CSMD1: variants seen among roughly 807,000 people sequenced by gnomAD.
The protein encoded by CSMD1 is CUB and sushi domain-containing protein 1.
In CSMD1, 213 loss-of-function variants were observed where a neutral mutation model predicts 417.5. The observed-to-expected ratio is 0.51, with a 90% CI of 0.46 to 0.57. The LOEUF (loss-of-function observed/expected upper bound fraction) is 0.57. Among genes scored for constraint, CSMD1 ranks in the 20% least tolerant of loss-of-function variants. CSMD1 has a pLI of 0.00. For missense variants in CSMD1, 6,923 were observed against 4,529.7 expected (o/e 1.53, Z -15.17); for synonymous variants, 2,862 against 1,736.8 (o/e 1.65, Z -16.11).
At chr8:4,059,584 G>C (rs1343007614) in intron 3 of CSMD1, among the ~76,000 whole-genome samples, 4 of 151,818 alleles carry the variant, frequency 2.6e-5, no homozygotes, top group Non-Finnish European at 4.4e-5. Flanking sequence ...GAATCAAATA[G>C]ATGCAATAAA....
At chr8:4,970,072 A>C (rs902639006) in intron 1 of CSMD1, among the ~76,000 whole-genome samples, 1 of 152,186 alleles carries the variant, frequency 6.6e-6, no homozygotes, top group Non-Finnish European at 1.5e-5. Flanking sequence ...AAATGACAAA[A>C]GTATTCAGTT....
At chr8:2,955,530 C>A (rs990927239) in intron 64 of CSMD1, 59 bp downstream of exon 64, 4 of 1,552,798 alleles carry the variant, frequency 2.6e-6, no homozygotes, top group Non-Finnish European at 3.5e-6. Context: ...GCCTGATGGG[C>A]AGCTGATCCT....
chr8:3,287,410 A>G (rs1251760003), intron 25 of CSMD1, among the ~76,000 whole-genome samples: 6 of 152,180 alleles, frequency 3.9e-5, no homozygotes, highest in Middle Eastern at 3.4e-3. Flanking sequence ...CCATTTTCAC[A>G]ATATTGATTC....
At chr8:4,308,749 C>G (rs545124186) in intron 3 of CSMD1, among the ~76,000 whole-genome samples, 2 of 152,248 alleles carry the variant, frequency 1.3e-5, no homozygotes, top group Non-Finnish European at 2.9e-5. Context: ...GTAAGACTGG[C>G]TGTTTGAGCG....
At chr8:3,559,519 G>A (rs968329215) in intron 10 of CSMD1, among the ~76,000 whole-genome samples, 1 of 152,142 alleles carries the variant, frequency 6.6e-6, no homozygotes, top group African/African-American at 2.4e-5. Context: ...GGAGGAGAAG[G>A]AAGAGGAAAA....
chr8:3,491,918 CA>C (rs1239607205), intron 11 of CSMD1, among the ~76,000 whole-genome samples: 1 of 152,172 alleles, frequency 6.6e-6, no homozygotes, highest in Non-Finnish European at 1.5e-5. Context: ...AAGGCGGGTC[CA>C]GGGGACCTGA....
At chr8:3,802,082 T>C (rs887749475) in intron 5 of CSMD1, among the ~76,000 whole-genome samples, 33 of 152,268 alleles carry the variant, frequency 2.2e-4, no homozygotes, top group Middle Eastern at 6.8e-3. Context: ...AACTTAAGGA[T>C]ATGTAAATTT....
In CSMD1 at chr8:3,204,947, G is replaced by A. The variant is rs117089257; in HGVS notation, c.4984+557C>T. ...GACCAGGGAAGGCCCTTCTGGAAAT[G>A]AAGTCATTTTGGAAAATTAGCTGGA... is the stretch of plus-strand genomic sequence containing the variant. On this transcript the variant is annotated intron_variant, in intron 31 of 69. Coordinates refer to ENST00000635120, the MANE Select transcript of CSMD1 (RefSeq NM_033225.6). Among the ~76,000 whole-genome samples the A allele has an allele frequency of 4.7e-3, 722 of 152,310 alleles. 17 individuals are homozygous for A. The highest frequency in any genetic ancestry group is 0.045 in the East Asian group (231 of 5,180).
chr8:3,982,852 C>T (rs1813989567), intron 5 of CSMD1, among the ~76,000 whole-genome samples: 1 of 152,172 alleles, frequency 6.6e-6, no homozygotes, highest in Admixed American at 6.5e-5. Context: ...CAGCTCTACG[C>T]ATACCAAGGA....
intron 49 of CSMD1, among the ~76,000 whole-genome samples, chr8:3,072,742 T>C (rs372731951): frequency 1.3e-5 from 2 of 152,172 alleles, no homozygotes; most frequent in East Asian, 3.9e-4. Context: ...AGTGAAGGCA[T>C]GAGGTTCTTC....
chr8:3,126,973 G>C (rs185039070), intron 41 of CSMD1, among the ~76,000 whole-genome samples: 1 of 152,156 alleles, frequency 6.6e-6, no homozygotes. Flanking sequence ...TCAGCTTTTG[G>C]TTCAGAGGAA....
intron 6 of CSMD1, among the ~76,000 whole-genome samples, chr8:3,729,035 A>G (rs1802661146): frequency 6.6e-6 from 1 of 152,194 alleles, no homozygotes; most frequent in Non-Finnish European, 1.5e-5. Flanking sequence ...CCGACCAGCA[A>G]AACTTCTAAT....
Position 3,730,873 on chromosome 8 carries a change from T to A in CSMD1, c.932-22382A>T, listed in dbSNP as rs1796209537. Among the ~76,000 whole-genome samples the A allele has an allele frequency of 2.0e-5, 3 of 152,084 alleles. No homozygotes were observed. In the South Asian group the frequency reaches 6.2e-4, roughly 32 times the overall value. Reference sequence around the variant, plus strand: ...TTATGCTAGAGGTGATAAGAGAGAGTGCTTTTAGCCACTATAATACGTAGA... The same window carrying A: ...TTATGCTAGAGGTGATAAGAGAGAGAGCTTTTAGCCACTATAATACGTAGA... On this transcript the variant is annotated intron_variant, in intron 6 of 69. Transcript: ENST00000635120.
chr8:4,500,099 G>T (rs1802181329), intron 2 of CSMD1, among the ~76,000 whole-genome samples: 1 of 6,142 alleles, frequency 1.6e-4, no homozygotes, highest in South Asian at 5.9e-3. Context: ...AGGTGAAAAG[G>T]TATAAAGAGG....
chr8:3,468,678 A>T, intron 12 of CSMD1, 34 bp downstream of exon 12: 1 of 1,401,834 alleles, frequency 7.1e-7, no homozygotes, highest in Non-Finnish European at 9.9e-7. Flanking sequence ...TGGAATGCTA[A>T]CTTCCAACCC....
At chr8:4,305,662 C>T (rs998702182) in intron 3 of CSMD1, among the ~76,000 whole-genome samples, 1 of 152,150 alleles carries the variant, frequency 6.6e-6, no homozygotes, top group Non-Finnish European at 1.5e-5. Flanking sequence ...CATCCTCAAC[C>T]AGCAGAGAGT....
At chr8:3,458,782 G>A (rs1430042517) in intron 12 of CSMD1, among the ~76,000 whole-genome samples, 2 of 152,160 alleles carry the variant, frequency 1.3e-5, no homozygotes, top group South Asian at 4.1e-4. Flanking sequence ...CCAAGATGAA[G>A]ACATTGTGTG....
At chr8:2,993,780 G>C (rs1360594888) in intron 54 of CSMD1, among the ~76,000 whole-genome samples, 1 of 151,982 alleles carries the variant, frequency 6.6e-6, no homozygotes, top group Non-Finnish European at 1.5e-5. Flanking sequence ...CTCCCGTCTC[G>C]GCCCTTATGA....
At chr8:3,011,746 G>A (rs1808398957) in intron 52 of CSMD1, among the ~76,000 whole-genome samples, 1 of 152,196 alleles carries the variant, frequency 6.6e-6, no homozygotes, top group African/African-American at 2.4e-5. Context: ...GGGTTCTTAT[G>A]TGCTGAAAAG....
Sources: gnomAD v4.1 joint callset for allele counts (sites outside exome capture counted in the v4.1 genomes callset) on GRCh38, gnomAD v4.1.1 for gene constraint, MANE v1.5 for transcripts, NCBI Gene and HGNC (gene_info 2026-07-23, HGNC 2026-07-21) for gene names.